The following PLEKHA7 variants were observed in gnomAD, a reference collection of about 807,000 sequenced individuals.
PLEKHA7 encodes pleckstrin homology domain-containing family A member 7.
Under a neutral mutation model 170.0 loss-of-function variants are expected in PLEKHA7, and 104 were observed. That is an observed-to-expected ratio of 0.61 (90% confidence interval 0.52 to 0.72). The LOEUF is 0.72. PLEKHA7 is among the 30% of genes least tolerant of loss of function. The pLI, the probability that PLEKHA7 is intolerant of heterozygous loss-of-function variation, is 0.00. For missense variants in PLEKHA7, 1,615 were observed against 1,671.7 expected (o/e 0.97, Z 0.59); for synonymous variants, 648 against 660.8 (o/e 0.98, Z 0.30).
intron 15 of PLEKHA7, 75 bp downstream of exon 15, chr11:16,802,897 C>T (rs1383522749): frequency 1.6e-6 from 2 of 1,242,818 alleles, no homozygotes; most frequent in Non-Finnish European, 2.4e-6. Context: ...ACATGAGGGT[C>T]CAGCCTATGT....
rs776307419 is a variant in PLEKHA7, at chr11:16,782,637, C to T, written c.3793+117G>A. 680 of 1,339,796 alleles carry T rather than the reference C, an allele frequency of 5.1e-4. 1 individual carries two copies. Among genetic ancestry groups the T allele is most frequent in the Non-Finnish European group, 6.3e-4 (628 of 990,638 alleles). 83.0% of individuals were successfully genotyped at this position (1,339,796 alleles called of 1,614,324 possible). On this transcript the variant is annotated intron_variant, in intron 26 of 26. Transcript: ENST00000531066. ...GTCAGGGGAACACACCACTGACCCT[C>T]AACTACCATCCTTGACACCTGGTTT...
intron 3 of PLEKHA7, among the ~76,000 whole-genome samples, chr11:16,970,736 C>G (rs7942983): frequency 6.6e-6 from 1 of 151,824 alleles, no homozygotes; most frequent in Non-Finnish European, 1.5e-5. Context: ...GAACAATTAA[C>G]GAGGAATTGT....
At chr11:16,966,335 G>A (rs1368906090) in intron 3 of PLEKHA7, among the ~76,000 whole-genome samples, 1 of 150,742 alleles carries the variant, frequency 6.6e-6, no homozygotes, top group African/African-American at 2.5e-5. Context: ...TGTCTAGGCT[G>A]CTCACAGTTA....
intron 4 of PLEKHA7, among the ~76,000 whole-genome samples, chr11:16,857,619 A>C (rs1853576378): frequency 6.6e-6 from 1 of 152,258 alleles, no homozygotes; most frequent in African/African-American, 2.4e-5. Flanking sequence ...ACAAGGAAAA[A>C]GAGCTCTCAG....
chr11:16,796,798 G>A (rs571728497), intron 17 of PLEKHA7, among the ~76,000 whole-genome samples: 21 of 152,204 alleles, frequency 1.4e-4, no homozygotes, highest in Admixed American at 7.8e-4. Flanking sequence ...TAGGAGTACC[G>A]GAGCATGCCA....
chr11:16,802,034 T>C (rs1590165496), intron 15 of PLEKHA7, among the ~76,000 whole-genome samples: 1 of 152,088 alleles, frequency 6.6e-6, no homozygotes, highest in African/African-American at 2.4e-5. Flanking sequence ...AATTTTGTCA[T>C]CTATAAACTA....
rs144093164 is a variant in PLEKHA7, at chr11:16,964,276, C to G, written c.221+49713G>C. ...TACCATGAATAATGCTGCAATGCAC[C>G]TAAGTGTACAAATATCTGTTTGAGC... On this transcript the variant is annotated intron_variant, in intron 3 of 26. Transcript: ENST00000531066. Among the ~76,000 whole-genome samples, 1,246 of 152,264 alleles carry G rather than the reference C, an allele frequency of 8.2e-3. 21 individuals are homozygous for G. Among genetic ancestry groups the G allele is most frequent in the African/African-American group, 0.028 (1,179 of 41,532 alleles).
rs140393888 is a variant in PLEKHA7 at position 16,873,356 on chromosome 11, T to G, written c.222-2174A>C. Among the ~76,000 whole-genome samples, 180 of 152,320 alleles carry G rather than the reference T, an allele frequency of 1.2e-3. 5 individuals are homozygous for G. In the East Asian group the frequency reaches 0.032, roughly 27 times the overall value. On this transcript the variant is annotated intron_variant, in intron 3 of 26. Coordinates refer to ENST00000531066, the MANE Select transcript of PLEKHA7 (RefSeq NM_001329630.2). ...CTGGGCACTGAAGGTTAGAGCAGCC[T>G]GAACCCTAACAAGCCAAATGTGAAG... is the stretch of plus-strand genomic sequence containing the variant.
At chr11:16,871,322 AC>A (rs1854827363) in intron 3 of PLEKHA7, 140 bp from the exon 4 acceptor site, 1 of 628,604 alleles carries the variant, frequency 1.6e-6, no homozygotes, top group Non-Finnish European at 2.8e-6. Context: ...CCTCTGAGAC[AC>A]ACTTAGTCTG....
intron 8 of PLEKHA7, among the ~76,000 whole-genome samples, chr11:16,847,199 C>T (rs532422274): frequency 7.4e-5 from 11 of 149,308 alleles, no homozygotes; most frequent in African/African-American, 2.5e-4. Context: ...CCGGTTCATG[C>T]CATTCTCCTG....
At position 16,802,316 on chromosome 11, in the gene PLEKHA7, G is replaced by A. The variant is rs148045288; in HGVS notation, c.2158-499C>T. ...CATAGCCCAGATCCTAGGAGACAAGGAGCTTTAGGAAGCAAAGGCCTCTGC... is the reference window on the plus strand; with the variant it reads ...CATAGCCCAGATCCTAGGAGACAAGAAGCTTTAGGAAGCAAAGGCCTCTGC... On this transcript the variant is annotated intron_variant, in intron 15 of 26. Transcript: ENST00000531066. Among the ~76,000 whole-genome samples the A allele has an allele frequency of 4.6e-3, 708 of 152,278 alleles. 8 individuals are homozygous for A. Among genetic ancestry groups the A allele is most frequent in the African/African-American group, 0.015 (613 of 41,564 alleles).
At chr11:16,815,513 C>T (rs538490492) in intron 12 of PLEKHA7, among the ~76,000 whole-genome samples, 2 of 152,298 alleles carry the variant, frequency 1.3e-5, no homozygotes, top group African/African-American at 4.8e-5. Context: ...TGCAACCTCA[C>T]CCAGACTCAA....
intron 3 of PLEKHA7, among the ~76,000 whole-genome samples, chr11:16,904,509 C>T (rs1857529938): frequency 6.6e-6 from 1 of 152,152 alleles, no homozygotes; most frequent in African/African-American, 2.4e-5. Context: ...GCAGCAACCA[C>T]ATCATATATA....
intron 3 of PLEKHA7, among the ~76,000 whole-genome samples, chr11:16,886,268 T>G (rs1856094957): frequency 6.6e-6 from 1 of 152,176 alleles, no homozygotes; most frequent in Non-Finnish European, 1.5e-5. Context: ...TATAGTCTAC[T>G]GTGGTGTTTA....
chr11:16,973,793 T>C (rs1297737937), intron 3 of PLEKHA7, among the ~76,000 whole-genome samples: 2 of 151,922 alleles, frequency 1.3e-5, no homozygotes, highest in African/African-American at 4.8e-5. Flanking sequence ...CCCTCTGGAG[T>C]GTTCCTCCCC....
chr11:16,901,499 G>A (rs1162827038), intron 3 of PLEKHA7, among the ~76,000 whole-genome samples: 1 of 152,180 alleles, frequency 6.6e-6, no homozygotes, highest in Non-Finnish European at 1.5e-5. Flanking sequence ...TTCCCAATAT[G>A]TCTTTTCTCT....
At chr11:16,976,764 A>G (rs1863090731) in intron 3 of PLEKHA7, among the ~76,000 whole-genome samples, 1 of 152,160 alleles carries the variant, frequency 6.6e-6, no homozygotes, top group Non-Finnish European at 1.5e-5. Flanking sequence ...TCTTCCTGTC[A>G]TTTTTTTGGT....
chr11:16,977,532 TGGTTAAATA>T (rs1863145329), intron 3 of PLEKHA7, among the ~76,000 whole-genome samples: 1 of 152,214 alleles, frequency 6.6e-6, no homozygotes, highest in African/African-American at 2.4e-5. Flanking sequence ...TTCAACCAAA[TGGTTAAATA>T]GACAAGGACG....
chr11:16,994,085 C>CG (rs1554993934), intron 3 of PLEKHA7, among the ~76,000 whole-genome samples: 1 of 152,234 alleles, frequency 6.6e-6, no homozygotes, highest in Non-Finnish European at 1.5e-5. Flanking sequence ...CTTGAATTCA[C>CG]GGTCTTTCCC....
Sources: gnomAD v4.1 joint callset for allele counts (sites outside exome capture counted in the v4.1 genomes callset) on GRCh38, gnomAD v4.1.1 for gene constraint, MANE v1.5 for transcripts, NCBI Gene and HGNC (gene_info 2026-07-23, HGNC 2026-07-21) for gene names.